The following NCAM2 variants were observed in gnomAD, a reference collection of about 807,000 sequenced individuals.
The protein encoded by NCAM2 is neural cell adhesion molecule 2.
Under a neutral mutation model 98.1 loss-of-function variants are expected in NCAM2, and 30 were observed. That is an observed-to-expected ratio of 0.31 (90% CI 0.23 to 0.41). The LOEUF (loss-of-function observed/expected upper bound fraction) is 0.41. Ranked by LOEUF, NCAM2 falls within the 10% of genes least tolerant of loss-of-function variation. NCAM2 has a pLI of 1.00. For missense variants in NCAM2, 867 were observed against 1,005.8 expected (o/e 0.86, Z 1.87); for synonymous variants, 368 against 342.4 (o/e 1.07, Z -0.83).
Position 21,538,889 on chromosome 21 carries a change from A to G in NCAM2, c.*932A>G, listed in dbSNP as rs1389438179. 6.6e-6 allele frequency: 1 copy of G among 152,138 alleles called. No homozygotes were observed. Among genetic ancestry groups the G allele is most frequent in the African/African-American group, 2.4e-5 (1 of 41,462 alleles). 9.4% of individuals were successfully genotyped at this position (152,138 alleles called of 1,614,324 possible). On this transcript the variant is annotated 3_prime_UTR_variant, in exon 18 of 18. Transcript: ENST00000400546. ...TACTTCAAATCATATCCTCAGATAT[A>G]TTTTTAGCCCATGGTTTTATATAAT...
chr21:21,508,764 A>T, intron 15 of NCAM2, 87 bp from the exon 16 acceptor site: 1 of 924,358 alleles, frequency 1.1e-6, no homozygotes, highest in Middle Eastern at 3.6e-4. Context: ...TTTTTAAAAT[A>T]ATCATCTAAT....
chr21:21,034,906 C>A (rs993645889), intron 1 of NCAM2, among the ~76,000 whole-genome samples: 41 of 152,212 alleles, frequency 2.7e-4, no homozygotes, highest in African/African-American at 9.4e-4. Flanking sequence ...AGTTACCTTG[C>A]TGGAACTTTT....
At chr21:21,355,560 A>AGAAGGAAG (rs576381683) in intron 8 of NCAM2, among the ~76,000 whole-genome samples, 3 of 150,026 alleles carry the variant, frequency 2.0e-5, no homozygotes, top group African/African-American at 7.4e-5. Flanking sequence ...GACGGAGGAA[A>AGAAGGAAG]GAAGGAAGGA....
chr21:21,111,605 G>T (rs2066455879), intron 1 of NCAM2, among the ~76,000 whole-genome samples: 1 of 152,218 alleles, frequency 6.6e-6, no homozygotes, highest in South Asian at 2.1e-4. Context: ...ACAGAGCAGG[G>T]ATAATCCATT....
intron 1 of NCAM2, among the ~76,000 whole-genome samples, chr21:21,136,858 C>T (rs1443579277): frequency 3.3e-5 from 5 of 151,754 alleles, no homozygotes; most frequent in Non-Finnish European, 7.4e-5. Context: ...AGTTAAACAA[C>T]TGTTCCTCAA....
At chr21:21,534,966 T>G (rs1034890695) in intron 17 of NCAM2, among the ~76,000 whole-genome samples, 4 of 152,254 alleles carry the variant, frequency 2.6e-5, no homozygotes, top group South Asian at 2.1e-4. Context: ...AAGATAGTGT[T>G]GTTTTCTCTT....
Position 21,523,178 on chromosome 21 carries a change from T to A in NCAM2, c.2283-11359T>A, listed in dbSNP as rs190654409. Reference sequence around the variant, plus strand: ...CTGATGGTTTCCCTTGCTGTTCAGATCCTTTTAAGCTTGATGCGATCCCAT... The same window carrying A: ...CTGATGGTTTCCCTTGCTGTTCAGAACCTTTTAAGCTTGATGCGATCCCAT... On this transcript the variant is annotated intron_variant, in intron 16 of 17. Coordinates refer to ENST00000400546, the MANE Select transcript of NCAM2 (RefSeq NM_004540.5). Among the ~76,000 whole-genome samples the A allele has an allele frequency of 3.8e-3, 586 of 152,240 alleles. 15 individuals are homozygous for A. Among genetic ancestry groups the A allele is most frequent in the Admixed American group, 0.033 (510 of 15,288 alleles).
At chr21:21,063,593 A>T (rs1480709776) in intron 1 of NCAM2, among the ~76,000 whole-genome samples, 1 of 152,194 alleles carries the variant, frequency 6.6e-6, no homozygotes, top group East Asian at 1.9e-4. Flanking sequence ...GTGTCAAAAA[A>T]AAATAAATTT....
intron 1 of NCAM2, among the ~76,000 whole-genome samples, chr21:21,176,716 A>G (rs2068302159): frequency 6.6e-6 from 1 of 151,996 alleles, no homozygotes; most frequent in Admixed American, 6.6e-5. Context: ...GTTTGAAGTT[A>G]TTTCCTAAAT....
At chr21:21,218,732 C>T (rs2070013373) in intron 1 of NCAM2, among the ~76,000 whole-genome samples, 2 of 152,122 alleles carry the variant, frequency 1.3e-5, no homozygotes, top group Non-Finnish European at 2.9e-5. Flanking sequence ...AGGAACACAG[C>T]CCTGCTGGCA....
In NCAM2 at chr21:21,265,077, T is replaced by TAC. The variant is rs765802399; in HGVS notation, c.56-15495_56-15494dup. Among the ~76,000 whole-genome samples, 687 of 111,054 alleles carry TAC rather than the reference T, an allele frequency of 6.2e-3. 12 individuals carry two copies. Among genetic ancestry groups the TAC allele is most frequent in the Non-Finnish European group, 9.8e-3 (528 of 53,934 alleles). The allele number at this position is 111,054 out of a possible 152,430, so 72.9% of individuals were successfully genotyped here. A position where few individuals can be genotyped will look rare whatever the true frequency, so the allele number is the denominator to read the frequency against. ...CTATATATGTGTATGTGTATATATA[T>TAC]ACACACATATATTATATATACATAT... On this transcript the variant is annotated intron_variant, in intron 1 of 17. Coordinates refer to ENST00000400546, the MANE Select transcript of NCAM2 (RefSeq NM_004540.5).
intron 1 of NCAM2, among the ~76,000 whole-genome samples, chr21:21,091,206 G>C (rs1039343099): frequency 2.0e-5 from 3 of 152,044 alleles, no homozygotes; most frequent in Admixed American, 1.3e-4. Flanking sequence ...GTTTTTGTTT[G>C]TTTTTATTAG....
Position 21,468,643 on chromosome 21 carries a change from T to G in NCAM2, c.1775-19T>G. On this transcript the variant is annotated intron_variant, in intron 13 of 17. Transcript: ENST00000400546. ...TCTGAAATGTGTGCAAATGAAGAAA[T>G]GTTGTATTGTATATCTAGGTGAACC... 1 of 1,596,526 alleles carries G rather than the reference T, an allele frequency of 6.3e-7. No homozygotes were observed. The highest frequency in any genetic ancestry group is 8.5e-7 in the Non-Finnish European group (1 of 1,170,868).
intron 15 of NCAM2, among the ~76,000 whole-genome samples, chr21:21,495,192 G>C (rs1421166612): frequency 6.6e-6 from 1 of 151,610 alleles, no homozygotes; most frequent in South Asian, 2.1e-4. Flanking sequence ...AAATATAAAC[G>C]TATATATTAT....
At chr21:21,291,048 C>G (rs113607013) in intron 4 of NCAM2, among the ~76,000 whole-genome samples, 59 of 334 alleles carry the variant, frequency 0.18, no homozygotes, top group African/African-American at 0.28. Flanking sequence ...GGAACAGGCC[C>G]AAAGGTAAAC....
chr21:21,138,634 C>A (rs1601472994), intron 1 of NCAM2, among the ~76,000 whole-genome samples: 1 of 152,064 alleles, frequency 6.6e-6, no homozygotes, highest in Non-Finnish European at 1.5e-5. Context: ...CAGACAGCGA[C>A]CCATATATAC....
intron 1 of NCAM2, among the ~76,000 whole-genome samples, chr21:21,128,404 A>T (rs2066871460): frequency 6.6e-6 from 1 of 152,172 alleles, no homozygotes; most frequent in African/African-American, 2.4e-5. Context: ...GGAGAACTTT[A>T]TTGGCATACA....
intron 8 of NCAM2, among the ~76,000 whole-genome samples, chr21:21,357,973 G>A (rs1341922723): frequency 1.3e-5 from 2 of 152,080 alleles, no homozygotes; most frequent in Non-Finnish European, 2.9e-5. Context: ...TACTTACTGT[G>A]CATGGTAGTA....
chr21:21,453,629 C>A (rs1981676994), intron 12 of NCAM2, among the ~76,000 whole-genome samples: 1 of 151,940 alleles, frequency 6.6e-6, no homozygotes, highest in Non-Finnish European at 1.5e-5. Flanking sequence ...TCTCCTTTAC[C>A]ACATGAAGCA....
Sources: gnomAD v4.1 joint callset for allele counts (sites outside exome capture counted in the v4.1 genomes callset) on GRCh38, gnomAD v4.1.1 for gene constraint, MANE v1.5 for transcripts, NCBI Gene and HGNC (gene_info 2026-07-23, HGNC 2026-07-21) for gene names.